The following CHST9 variants were observed in gnomAD, a reference collection of about 807,000 sequenced individuals.
CHST9 encodes the protein carbohydrate sulfotransferase 9.
A neutral mutation model predicts 44.4 loss-of-function variants in CHST9; 41 were observed. The observed-to-expected ratio is 0.92, with a 90% CI of 0.72 to 1.20. The LOEUF (loss-of-function observed/expected upper bound fraction) is 1.20. CHST9 is among the 50% of genes most tolerant of loss of function. The pLI is 0.00. For synonymous variants in CHST9, 171 were observed against 178.4 expected (o/e 0.96, Z 0.33); for missense variants, 504 against 516.5 (o/e 0.98, Z 0.23).
intron 3 of CHST9, among the ~76,000 whole-genome samples, chr18:27,037,231 C>T (rs1268685261): frequency 6.6e-6 from 1 of 152,104 alleles, no homozygotes; most frequent in Non-Finnish European, 1.5e-5. Flanking sequence ...TCTTCATAGC[C>T]AAACCTGTTA....
intron 4 of CHST9, among the ~76,000 whole-genome samples, chr18:26,986,797 A>G (rs182238500): frequency 6.6e-6 from 1 of 152,344 alleles, no homozygotes; most frequent in Admixed American, 6.5e-5. Flanking sequence ...TACTGAAAGA[A>G]AACAACCTGT....
intron 1 of CHST9, among the ~76,000 whole-genome samples, chr18:27,177,754 A>C (rs551042510): frequency 6.6e-6 from 1 of 152,028 alleles, no homozygotes; most frequent in Non-Finnish European, 1.5e-5. Context: ...GGAATGTGCC[A>C]TATCTGTTTA....
rs1454438985 is a variant in CHST9, at chr18:26,991,676, G to A, written c.202+32440C>T. Among the ~76,000 whole-genome samples the A allele has an allele frequency of 1.5e-4, 20 of 130,712 alleles. 2 individuals carry two copies. The highest frequency in any genetic ancestry group is 5.2e-4 in the African/African-American group (20 of 38,764). 85.8% of individuals were successfully genotyped at this position (130,712 alleles called of 152,430 possible). On this transcript the variant is annotated intron_variant, in intron 4 of 5. Transcript: ENST00000618847. ...AGGAAACTAAGAAGCACCTGCCAGT[G>A]AAAGCAGGAGACGATGGTGACTTAG...
intron 4 of CHST9, among the ~76,000 whole-genome samples, chr18:26,971,745 C>T (rs2056545961): frequency 6.6e-6 from 1 of 152,162 alleles, no homozygotes; most frequent in African/African-American, 2.4e-5. Context: ...GTCACACAGC[C>T]ACGCCCAGCT....
intron 4 of CHST9, among the ~76,000 whole-genome samples, chr18:26,946,733 A>G (rs946452239): frequency 6.6e-4 from 101 of 152,206 alleles, no homozygotes; most frequent in African/African-American, 2.3e-3. Context: ...TGTTTTCTGC[A>G]TATGGCTAGC....
At chr18:27,059,008 G>A (rs2057690909) in intron 2 of CHST9, among the ~76,000 whole-genome samples, 1 of 149,188 alleles carries the variant, frequency 6.7e-6, no homozygotes, top group Admixed American at 6.7e-5. Flanking sequence ...TTTCCTAAGA[G>A]GGTTTGTTCA....
At chr18:27,065,601 T>TG (rs2057773685) in intron 2 of CHST9, among the ~76,000 whole-genome samples, 1 of 150,430 alleles carries the variant, frequency 6.6e-6, no homozygotes, top group Non-Finnish European at 1.5e-5. Flanking sequence ...TTTTTTTTTT[T>TG]TGAGAGAGAT....
chr18:27,003,767 T>G (rs1048875231), intron 4 of CHST9, among the ~76,000 whole-genome samples: 3 of 151,910 alleles, frequency 2.0e-5, no homozygotes, highest in African/African-American at 7.3e-5. Flanking sequence ...CTTTTGGGAG[T>G]TTTTTTGCTA....
At chr18:26,963,286 C>A (rs2056423568) in intron 4 of CHST9, among the ~76,000 whole-genome samples, 1 of 152,096 alleles carries the variant, frequency 6.6e-6, no homozygotes. Context: ...TCTGCCATTT[C>A]CTGGAACCAT....
At chr18:26,935,530 C>CA (rs1249260114) in intron 5 of CHST9, 2 of 152,116 alleles carry the variant, frequency 1.3e-5, no homozygotes, top group African/African-American at 2.4e-5. Flanking sequence ...TTAATCAATC[C>CA]ACTGCTTTAG....
intron 5 of CHST9, chr18:26,933,779 TAAC>T (rs1568097902): frequency 6.5e-6 from 1 of 153,324 alleles, no homozygotes; most frequent in Non-Finnish European, 1.5e-5. Flanking sequence ...TGAAGATAGA[TAAC>T]AAACAAGGAA....
chr18:26,930,360 A>C (rs950917488), intron 5 of CHST9, among the ~76,000 whole-genome samples: 2 of 152,252 alleles, frequency 1.3e-5, no homozygotes, highest in African/African-American at 4.8e-5. Flanking sequence ...GCAAAGCAGA[A>C]GGACAGAAGG....
chr18:27,109,609 G>T (rs2058252434), intron 2 of CHST9, among the ~76,000 whole-genome samples: 1 of 152,218 alleles, frequency 6.6e-6, no homozygotes, highest in South Asian at 2.1e-4. Context: ...TTTCAAGGGA[G>T]AGCAGGGCCA....
intron 4 of CHST9, among the ~76,000 whole-genome samples, chr18:26,947,672 G>T (rs1200385118): frequency 6.6e-6 from 1 of 152,176 alleles, no homozygotes; most frequent in Admixed American, 6.5e-5. Context: ...GGTCATTAGA[G>T]AAATGCAAAT....
intron 4 of CHST9, among the ~76,000 whole-genome samples, chr18:26,966,409 T>G (rs762490705): frequency 1.2e-4 from 19 of 152,208 alleles, no homozygotes; most frequent in Non-Finnish European, 2.8e-4. Context: ...ATACACTCAT[T>G]TTAAGTTGCA....
At chr18:27,001,838 G>C (rs1226526903) in intron 4 of CHST9, among the ~76,000 whole-genome samples, 1 of 152,152 alleles carries the variant, frequency 6.6e-6, no homozygotes, top group Non-Finnish European at 1.5e-5. Flanking sequence ...ACTCAGGTGA[G>C]GAATGGCATA....
Position 26,916,326 on chromosome 18 carries a change from C to CT in CHST9, c.1264dup (p.Arg422LysfsTer6). 6.2e-7 allele frequency: 1 copy of CT among 1,610,162 alleles called. No individual in the cohort carries two copies. Among genetic ancestry groups the CT allele is most frequent in the Non-Finnish European group, 8.5e-7 (1 of 1,176,766 alleles). On this transcript the variant is annotated frameshift_variant, in exon 6 of 6. Transcript: ENST00000618847. LOFTEE classifies it high-confidence loss of function. ...GTAATAAAAGTCATAGATTAATTGTCTCTCAGTTCTAGTCAGATCCTTTAA... is the reference window on the plus strand; with the variant it reads ...GTAATAAAAGTCATAGATTAATTGTCTTCTCAGTTCTAGTCAGATCCTTTAA...
intron 2 of CHST9, among the ~76,000 whole-genome samples, chr18:27,097,590 G>T (rs1365368794): frequency 1.3e-5 from 2 of 152,080 alleles, no homozygotes; most frequent in Non-Finnish European, 2.9e-5. Context: ...AGTTTGATTA[G>T]ATCACATTTG....
intron 4 of CHST9, among the ~76,000 whole-genome samples, chr18:26,961,044 C>T (rs1434656929): frequency 6.6e-6 from 1 of 152,208 alleles, no homozygotes; most frequent in East Asian, 1.9e-4. Flanking sequence ...TCTCCCAGCA[C>T]TTCTGTGGGA....
Sources: gnomAD v4.1 joint callset for allele counts (sites outside exome capture counted in the v4.1 genomes callset) on GRCh38, gnomAD v4.1.1 for gene constraint, MANE v1.5 for transcripts, NCBI Gene and HGNC (gene_info 2026-07-23, HGNC 2026-07-21) for gene names.